Variants in PSKH1 observed in about 807,000 individuals in gnomAD.
PSKH1 encodes serine/threonine-protein kinase H1.
Under a neutral mutation model 26.7 loss-of-function variants are expected in PSKH1, and 12 were observed. That is an observed-to-expected ratio of 0.45 (90% CI 0.29 to 0.73). The LOEUF (loss-of-function observed/expected upper bound fraction) is 0.73. Ranked by LOEUF, PSKH1 falls within the 30% of genes least tolerant of loss-of-function variation. The pLI, the probability that PSKH1 is intolerant of heterozygous loss-of-function variation, is 0.11. For synonymous variants in PSKH1, 213 were observed against 234.3 expected, an observed-to-expected ratio of 0.91 and a Z score of 0.83; for missense variants, 431 against 595.2, an observed-to-expected ratio of 0.72 and a Z score of 2.87.
intron 1 of PSKH1, among the ~76,000 whole-genome samples, chr16:67,897,973 G>A (rs930863187): frequency 2.6e-5 from 4 of 151,988 alleles, no homozygotes; most frequent in Non-Finnish European, 4.4e-5. Flanking sequence ...TCAGCCTCCC[G>A]AGTAGCTGGG....
chr16:67,924,400 G>T (rs933827328), intron 2 of PSKH1, among the ~76,000 whole-genome samples: 1 of 152,214 alleles, frequency 6.6e-6, no homozygotes, highest in East Asian at 1.9e-4. Context: ...GAGCAGCAGG[G>T]GTTGATGCCT....
In PSKH1 at chr16:67,927,700, A is replaced by G; in HGVS notation, c.*58A>G. On this transcript the variant is annotated 3_prime_UTR_variant, in exon 3 of 3. Coordinates refer to ENST00000291041, the MANE Select transcript of PSKH1 (RefSeq NM_006742.3). The surrounding 1 kb of genome is among the most constrained non-coding windows in gnomAD (Gnocchi z 5.5). ...CAGCCTGGCCACACACTGTGGTGCC[A>G]TCTGGGTCCGATGCCCTCTCTGGAG... The G allele has an allele frequency of 6.6e-7, 1 of 1,523,086 alleles. No homozygotes were observed. The allele number at this position is 1,523,086 out of a possible 1,614,324, so 94.3% of individuals were successfully genotyped here. A position where few individuals can be genotyped will look rare whatever the true frequency, so the allele number is the denominator to read the frequency against.
intron 1 of PSKH1, among the ~76,000 whole-genome samples, chr16:67,906,403 G>C (rs1410688570): frequency 7.0e-6 from 1 of 142,904 alleles, no homozygotes; most frequent in East Asian, 2.1e-4. Flanking sequence ...ACAGATCTCT[G>C]TTGCCCAGGC....
chr16:67,895,478 G>C (rs944946562), intron 1 of PSKH1, among the ~76,000 whole-genome samples: 1 of 150,768 alleles, frequency 6.6e-6, no homozygotes, highest in African/African-American at 2.4e-5. Flanking sequence ...GTGCGATCTC[G>C]GCTCACTGCA....
intron 2 of PSKH1, among the ~76,000 whole-genome samples, chr16:67,923,509 G>A (rs2058208643): frequency 6.6e-6 from 1 of 152,218 alleles, no homozygotes; most frequent in South Asian, 2.1e-4. Flanking sequence ...AGAGAGTGGA[G>A]GCTGTCACCC....
Position 67,909,117 on chromosome 16 carries a change from C to G in PSKH1, c.368C>G (p.Pro123Arg). The G allele has an allele frequency of 6.2e-7, 1 of 1,613,616 alleles. No individual in the cohort carries two copies. Residue 123 changes from proline to arginine, a missense_variant, in exon 2 of 3, where the codon CCG (proline) becomes CGG (arginine). Coordinates refer to ENST00000291041, the MANE Select transcript of PSKH1 (RefSeq NM_006742.3). The surrounding 1 kb of genome is among the most constrained non-coding windows in gnomAD (Gnocchi z 7.8). Reference sequence around the variant, plus strand: ...GTAGAGCACCGGGCAACCCGGCAGCCGTATGCCATCAAGATGATTGAGACC... The same window carrying G: ...GTAGAGCACCGGGCAACCCGGCAGCGGTATGCCATCAAGATGATTGAGACC... Reference protein sequence around the residue: ...VRVEHRATRQPYAIKMIETKY... With the variant: ...VRVEHRATRQRYAIKMIETKY...
chr16:67,922,429 A>G (rs1290392912), intron 2 of PSKH1, among the ~76,000 whole-genome samples: 1 of 152,182 alleles, frequency 6.6e-6, no homozygotes, highest in Non-Finnish European at 1.5e-5. Context: ...GAGTCATGGT[A>G]GCAAAGCCCA....
chr16:67,895,392 T>C (rs1427354017), intron 1 of PSKH1, among the ~76,000 whole-genome samples: 1 of 151,012 alleles, frequency 6.6e-6, no homozygotes, highest in Non-Finnish European at 1.5e-5. Context: ...ATGAAGAAGA[T>C]CTGGGGTAGG....
chr16:67,900,500 A>G (rs2058138582), intron 1 of PSKH1, among the ~76,000 whole-genome samples: 1 of 152,186 alleles, frequency 6.6e-6, no homozygotes, highest in South Asian at 2.1e-4. Flanking sequence ...GGCATGGGGA[A>G]GGATCAAGGC....
intron 1 of PSKH1, among the ~76,000 whole-genome samples, chr16:67,903,956 C>T (rs965404507): frequency 6.7e-6 from 1 of 149,146 alleles, no homozygotes; most frequent in Non-Finnish European, 1.5e-5. Flanking sequence ...CTCAAGCAGT[C>T]CTCCTGCCTT....
chr16:67,907,354 G>T (rs2058159332), intron 1 of PSKH1, among the ~76,000 whole-genome samples: 1 of 151,548 alleles, frequency 6.6e-6, no homozygotes, highest in South Asian at 2.1e-4. Flanking sequence ...TCTGCCTCCC[G>T]GGTTCAAGCA....
At position 67,929,117 on chromosome 16, in the gene PSKH1, T is replaced by A. The variant is rs2058228952; in HGVS notation, c.*1475T>A. 1 of 152,676 alleles carries A rather than the reference T, an allele frequency of 6.5e-6. No individual in the cohort carries two copies. 9.5% of individuals were successfully genotyped at this position (152,676 alleles called of 1,614,324 possible). ...TATCTCCCCCTACCACAAACCAGGCTGGAACCCAAGCCCCTTCCTCCACAG... is the reference window on the plus strand; with the variant it reads ...TATCTCCCCCTACCACAAACCAGGCAGGAACCCAAGCCCCTTCCTCCACAG... On this transcript the variant is annotated 3_prime_UTR_variant, in exon 3 of 3. Coordinates refer to ENST00000291041, the MANE Select transcript of PSKH1 (RefSeq NM_006742.3).
chr16:67,902,272 AG>A (rs2058144045), intron 1 of PSKH1, among the ~76,000 whole-genome samples: 2 of 150,484 alleles, frequency 1.3e-5, no homozygotes, highest in African/African-American at 5.0e-5. Context: ...AAAAAAAAAA[AG>A]AAATAAAAAT....
chr16:67,916,008 A>T (rs2058186983), intron 2 of PSKH1, among the ~76,000 whole-genome samples: 1 of 152,360 alleles, frequency 6.6e-6, no homozygotes. Flanking sequence ...AGGCCTTGGC[A>T]TAGAGCCACT....
intron 2 of PSKH1, among the ~76,000 whole-genome samples, chr16:67,917,789 T>C (rs2058191527): frequency 6.6e-6 from 1 of 152,146 alleles, no homozygotes; most frequent in South Asian, 2.1e-4. Context: ...TGGTGTGTGC[T>C]TGTCAACTTT....
At chr16:67,897,638 C>G (rs2058130075) in intron 1 of PSKH1, among the ~76,000 whole-genome samples, 1 of 152,166 alleles carries the variant, frequency 6.6e-6, no homozygotes, top group Admixed American at 6.5e-5. Flanking sequence ...GTAAATATTT[C>G]TGGGTTGAAC....
chr16:67,903,860 T>TC (rs887994492), intron 1 of PSKH1, among the ~76,000 whole-genome samples: 3 of 148,228 alleles, frequency 2.0e-5, no homozygotes, highest in South Asian at 4.3e-4. Flanking sequence ...TTTTTTTTTT[T>TC]CCTTTTTGAA....
rs375687414 is a variant in PSKH1, at chr16:67,908,827, C to T, written c.78C>T (p.Pro26=). ...TGGATCTGGTCAAGAAGGTGGAGCC[C>T]TTCAGTGGCACTAAGAGTGACGTGT... ...VQLDLVKKVE[P]FSGTKSDVYK... The change falls in exon 2 of 3, where the codon CCC becomes CCT. Residue 26 remains proline, a synonymous_variant. Coordinates refer to ENST00000291041, the MANE Select transcript of PSKH1 (RefSeq NM_006742.3). The T allele has an allele frequency of 9.9e-6, 16 of 1,613,810 alleles. No homozygotes were observed. The African/African-American group carries it at 2.0e-4, about 20-fold the overall frequency.
At chr16:67,925,299 A>G (rs1316153171) in intron 2 of PSKH1, among the ~76,000 whole-genome samples, 1 of 151,816 alleles carries the variant, frequency 6.6e-6, no homozygotes, top group Non-Finnish European at 1.5e-5. Flanking sequence ...AGGTTCAAGC[A>G]ATTCTCCTGC....
Sources: gnomAD v4.1 joint callset for allele counts (sites outside exome capture counted in the v4.1 genomes callset) on GRCh38, gnomAD v4.1.1 for gene constraint, Gnocchi (gnomAD v3.1) non-coding constraint, MANE v1.5 for transcripts, NCBI Gene and HGNC (gene_info 2026-07-23, HGNC 2026-07-21) for gene names.